RIN2: variants seen among roughly 807,000 people sequenced by gnomAD.
RIN2 encodes the protein RAB5 interacting protein 2.
A neutral mutation model predicts 78.0 loss-of-function variants in RIN2; 36 were observed. The ratio of observed to expected loss-of-function variants is 0.46; its 90% CI spans 0.35 to 0.61. The LOEUF is 0.61. Among genes scored for constraint, RIN2 ranks in the 20% least tolerant of loss-of-function variants. The probability of loss-of-function intolerance (pLI) is 0.00; values close to 1 mark genes in which losing one functional copy is unlikely to be tolerated. For missense variants in RIN2, 1,087 were observed against 1,159.7 expected (o/e 0.94, Z 0.91); for synonymous variants, 466 against 466.8 (o/e 1.00, Z 0.02).
At chr20:19,872,989 T>A (rs1056756793) in intron 2 of RIN2, among the ~76,000 whole-genome samples, 6 of 152,138 alleles carry the variant, frequency 3.9e-5, no homozygotes, top group African/African-American at 7.2e-5. Context: ...CTGCTTAAAA[T>A]TTTTTAAACT....
intron 1 of RIN2, among the ~76,000 whole-genome samples, chr20:19,763,212 C>T (rs2033718441): frequency 6.6e-6 from 1 of 152,058 alleles, no homozygotes; most frequent in Non-Finnish European, 1.5e-5. Flanking sequence ...TGGTGAAACC[C>T]TGTCTCTACT....
chr20:19,989,272 C>CTTTTTTTT (rs11455546), intron 9 of RIN2, among the ~76,000 whole-genome samples: 1 of 109,374 alleles, frequency 9.1e-6, no homozygotes, highest in Non-Finnish European at 1.9e-5. Context: ...AGAAAACATT[C>CTTTTTTTT]TTTTTTTTTT....
chr20:19,809,887 G>C (rs16981142), intron 2 of RIN2, among the ~76,000 whole-genome samples: 10,614 of 152,202 alleles, frequency 0.07, 402 homozygotes, highest in South Asian at 0.099. Context: ...ATTGAAGAAA[G>C]ACACTTCCAG....
intron 4 of RIN2, among the ~76,000 whole-genome samples, chr20:19,949,164 C>T (rs929133582): frequency 6.6e-6 from 1 of 152,168 alleles, no homozygotes; most frequent in African/African-American, 2.4e-5. Context: ...TGCCTGTAAT[C>T]CCAGCTACTT....
intron 2 of RIN2, among the ~76,000 whole-genome samples, chr20:19,822,159 G>T (rs1430431274): frequency 6.6e-6 from 1 of 152,144 alleles, no homozygotes; most frequent in East Asian, 1.9e-4. Context: ...TGGCTCACAG[G>T]TCTGAGCTTC....
chr20:19,832,276 A>C (rs1268162516), intron 2 of RIN2, among the ~76,000 whole-genome samples: 1 of 147,134 alleles, frequency 6.8e-6, no homozygotes, highest in East Asian at 2.0e-4. Context: ...TGGCCTTGCC[A>C]ACCTTTCTAA....
At chr20:19,967,987 G>C (rs560562468) in intron 7 of RIN2, among the ~76,000 whole-genome samples, 2 of 152,094 alleles carry the variant, frequency 1.3e-5, no homozygotes, top group Admixed American at 1.3e-4. Flanking sequence ...TGACAGTTAC[G>C]GGAGTTGAAC....
intron 2 of RIN2, among the ~76,000 whole-genome samples, chr20:19,847,964 A>G (rs1444408322): frequency 1.3e-5 from 2 of 152,106 alleles, no homozygotes; most frequent in Admixed American, 1.3e-4. Context: ...TCCAGTACAA[A>G]AGCAACCATG....
chr20:19,956,207 C>T (rs2041522297), intron 4 of RIN2, among the ~76,000 whole-genome samples: 2 of 135,622 alleles, frequency 1.5e-5, no homozygotes. Context: ...GCAGTGAGCC[C>T]AGATCGCGCC....
chr20:19,875,281 C>A (rs2037821868), intron 2 of RIN2, among the ~76,000 whole-genome samples: 1 of 152,162 alleles, frequency 6.6e-6, no homozygotes, highest in African/African-American at 2.4e-5. Flanking sequence ...GCCTCAGCCT[C>A]CCAAGTAGCT....
At chr20:19,906,532 G>A (rs778413206) in intron 3 of RIN2, among the ~76,000 whole-genome samples, 7 of 152,178 alleles carry the variant, frequency 4.6e-5, no homozygotes, top group Admixed American at 3.3e-4. Flanking sequence ...TAATGTAGGC[G>A]AGTGAAGCCA....
chr20:19,879,622 C>T (rs183771296), intron 2 of RIN2, among the ~76,000 whole-genome samples: 74 of 152,274 alleles, frequency 4.9e-4, no homozygotes, highest in Non-Finnish European at 9.1e-4. Context: ...AAACACACAG[C>T]GTGGTCAATT....
intron 2 of RIN2, among the ~76,000 whole-genome samples, chr20:19,880,624 TC>T (rs1019277991): frequency 6.6e-6 from 1 of 152,032 alleles, no homozygotes; most frequent in Non-Finnish European, 1.5e-5. Flanking sequence ...TGCCTTGGCC[TC>T]CCAAAATGCT....
intron 3 of RIN2, among the ~76,000 whole-genome samples, chr20:19,928,967 T>C (rs2040337779): frequency 6.6e-6 from 1 of 152,180 alleles, no homozygotes; most frequent in South Asian, 2.1e-4. Context: ...TGTATAAGGA[T>C]AGGTGGCTAT....
chr20:19,810,074 C>A (rs902902220), intron 2 of RIN2, among the ~76,000 whole-genome samples: 1 of 152,042 alleles, frequency 6.6e-6, no homozygotes, highest in African/African-American at 2.4e-5. Flanking sequence ...GCTCCTAGGG[C>A]TCCACCATCC....
chr20:19,957,173 T>C (rs2041578868), intron 5 of RIN2, among the ~76,000 whole-genome samples: 1 of 152,206 alleles, frequency 6.6e-6, no homozygotes, highest in Non-Finnish European at 1.5e-5. Flanking sequence ...CCTCTCCTTC[T>C]GAGCCTGGGA....
chr20:19,975,362 G>A lies in RIN2; in HGVS notation c.1337G>A (p.Arg446Gln), dbSNP rs1172506359. ...TCCTCCGACTCGCTGGAGTTCGACCGGAGCATGCCTCTGTTTGGCTACGAG... is the reference window on the plus strand; with the variant it reads ...TCCTCCGACTCGCTGGAGTTCGACCAGAGCATGCCTCTGTTTGGCTACGAG... ...TSSSDSLEFD[R>Q]SMPLFGYEAD... Residue 446 changes from arginine to glutamine, a missense_variant, in exon 9 of 13, where the codon CGG (arginine) becomes CAG (glutamine). By Grantham distance (43) the Arg-to-Gln change is conservative (BLOSUM62 1). Around this residue, in one of 8 missense-constraint regions of RIN2, gnomAD observed 706 missense variants for 667.5 expected, o/e 1.06. Coordinates refer to ENST00000255006, the MANE Select transcript of RIN2 (RefSeq NM_018993.4). The surrounding 1 kb of genome is among the most constrained non-coding windows in gnomAD (Gnocchi z 4.9). The A allele has an allele frequency of 3.1e-6, 5 of 1,613,722 alleles. No homozygotes were observed. Among genetic ancestry groups the A allele is most frequent in the East Asian group, 4.5e-5 (2 of 44,870 alleles).
intron 2 of RIN2, among the ~76,000 whole-genome samples, chr20:19,832,568 A>G (rs1313504512): frequency 2.0e-5 from 3 of 150,924 alleles, no homozygotes; most frequent in Non-Finnish European, 4.4e-5. Flanking sequence ...AGCCCTGATC[A>G]CCCCGGGGCC....
chr20:19,762,636 C>A (rs971295109), intron 1 of RIN2, among the ~76,000 whole-genome samples: 1 of 152,074 alleles, frequency 6.6e-6, no homozygotes, highest in Non-Finnish European at 1.5e-5. Context: ...AAGAAGATGA[C>A]TAGAAGGCTG....
Sources: allele counts gnomAD v4.1 joint callset (sites outside exome capture counted in the v4.1 genomes callset), GRCh38; gene constraint gnomAD v4.1.1; regional missense constraint gnomAD v4.1.1; non-coding constraint Gnocchi (gnomAD v3.1); transcripts MANE v1.5; gene names NCBI Gene and HGNC (gene_info 2026-07-23, HGNC 2026-07-21).